Variants in VSTM4 observed in about 807,000 individuals in gnomAD.
VSTM4 encodes the protein V-set and transmembrane domain-containing protein 4.
A neutral mutation model predicts 36.4 loss-of-function variants in VSTM4; 20 were observed. The observed-to-expected ratio is 0.55, with a 90% CI of 0.39 to 0.80. The LOEUF (loss-of-function observed/expected upper bound fraction) is 0.80. Ranked by LOEUF, VSTM4 falls within the 30% of genes least tolerant of loss-of-function variation. The pLI is 0.00. For synonymous variants in VSTM4, 182 were observed against 173.9 expected, an observed-to-expected ratio of 1.05 and a Z score of -0.37; for missense variants, 392 against 404.5, an observed-to-expected ratio of 0.97 and a Z score of 0.26.
rs1242431212 is a variant in VSTM4 at position 49,102,720 on chromosome 10, A to G, written c.457+4874T>C. The stretch of plus-strand genomic sequence containing the variant: ...CATCCACCAAGTCACGCCTACTTCA[A>G]AGTCATCCACAGCAACAGTTGCTAA... On this transcript the variant is annotated intron_variant, in intron 2 of 7. Transcript: ENST00000332853. 1.3e-5 allele frequency: 13 copies of G among 985,348 alleles called. No individual in the cohort carries two copies. The South Asian group carries it at 3.3e-4, about 25-fold the overall frequency. The allele number at this position is 985,348 out of a possible 1,614,324, so 61.0% of individuals were successfully genotyped here.
intron 1 of VSTM4, among the ~76,000 whole-genome samples, chr10:49,109,622 T>C (rs1004371622): frequency 6.6e-6 from 1 of 152,030 alleles, no homozygotes; most frequent in African/African-American, 2.4e-5. Context: ...CATTCACAGG[T>C]CCCCAGGGAT....
intron 7 of VSTM4, among the ~76,000 whole-genome samples, chr10:49,024,511 T>C (rs895346033): frequency 1.3e-5 from 2 of 152,144 alleles, no homozygotes; most frequent in African/African-American, 4.8e-5. Flanking sequence ...TGACAGCAGA[T>C]CATGGGTGCA....
rs2131920368 is a variant in VSTM4, at chr10:49,015,255, G to A, written c.*4395C>T. ...TCCTGCCTCAGCCTCCCGAGTAGCT[G>A]GGACTACAGGCACCCACCACCATGC... is the stretch of plus-strand genomic sequence containing the variant. On this transcript the variant is annotated 3_prime_UTR_variant, in exon 8 of 8. Coordinates refer to ENST00000332853, the MANE Select transcript of VSTM4 (RefSeq NM_001031746.5). 6.6e-6 allele frequency: 1 copy of A among 152,056 alleles called. No homozygotes were observed. The highest frequency in any genetic ancestry group is 2.4e-5 in the African/African-American group (1 of 41,366). The allele number at this position is 152,056 out of a possible 1,614,324, so 9.4% of individuals were successfully genotyped here.
Position 49,016,921 on chromosome 10 carries a change from C to A in VSTM4, c.*2729G>T, listed in dbSNP as rs1280416557. The A allele has an allele frequency of 6.6e-6, 1 of 152,404 alleles. No individual in the cohort carries two copies. The highest frequency in any genetic ancestry group is 2.4e-5 in the African/African-American group (1 of 41,470). The allele number at this position is 152,404 out of a possible 1,614,324, so 9.4% of individuals were successfully genotyped here. ...ACCATGCCAAGGCCAAAACTCACCA[C>A]CAAATCTGAGAGCATCTGCTGTCTG... On this transcript the variant is annotated 3_prime_UTR_variant, in exon 8 of 8. Transcript: ENST00000332853.
chr10:49,049,525 T>A (rs972829450), intron 5 of VSTM4, among the ~76,000 whole-genome samples: 5 of 152,112 alleles, frequency 3.3e-5, no homozygotes, highest in African/African-American at 9.7e-5. Context: ...CCTTTTATAA[T>A]CTCTTGTCCG....
At chr10:49,045,485 G>A (rs1292246208) in intron 7 of VSTM4, among the ~76,000 whole-genome samples, 2 of 152,162 alleles carry the variant, frequency 1.3e-5, no homozygotes, top group East Asian at 3.8e-4. Flanking sequence ...ATGAATGCAA[G>A]ATTAGTGGGC....
chr10:49,108,483 G>T (rs1000684822), intron 1 of VSTM4, among the ~76,000 whole-genome samples: 1 of 152,148 alleles, frequency 6.6e-6, no homozygotes, highest in Non-Finnish European at 1.5e-5. Flanking sequence ...GCAGGGCAGG[G>T]TAGGGCCCTC....
At chr10:49,044,153 C>T (rs1843563281) in intron 7 of VSTM4, among the ~76,000 whole-genome samples, 1 of 152,080 alleles carries the variant, frequency 6.6e-6, no homozygotes, top group South Asian at 2.1e-4. Flanking sequence ...CATGGTGAAA[C>T]CCCAACTCTA....
chr10:49,030,152 G>C (rs1320690177), intron 7 of VSTM4, among the ~76,000 whole-genome samples: 1 of 152,182 alleles, frequency 6.6e-6, no homozygotes, highest in Non-Finnish European at 1.5e-5. Flanking sequence ...TACTGAAGAC[G>C]TCCAGGGGCA....
At chr10:49,071,001 T>G (rs541712762) in intron 4 of VSTM4, among the ~76,000 whole-genome samples, 166 of 152,324 alleles carry the variant, frequency 1.1e-3, no homozygotes, top group Non-Finnish European at 1.6e-3. Flanking sequence ...TCCCTTTTCT[T>G]GCATCTCTCT....
At chr10:49,051,672 A>C (rs1843700703) in intron 5 of VSTM4, among the ~76,000 whole-genome samples, 1 of 152,206 alleles carries the variant, frequency 6.6e-6, no homozygotes, top group Non-Finnish European at 1.5e-5. Flanking sequence ...CTGGGATTAC[A>C]GGCATGAGCC....
chr10:49,091,366 G>A (rs1265983980), intron 2 of VSTM4, among the ~76,000 whole-genome samples: 5 of 152,318 alleles, frequency 3.3e-5, no homozygotes, highest in African/African-American at 7.2e-5. Context: ...AATCCATCAC[G>A]TCACTGCCCC....
intron 7 of VSTM4, among the ~76,000 whole-genome samples, chr10:49,038,024 T>C (rs1048767368): frequency 3.3e-5 from 5 of 151,930 alleles, no homozygotes; most frequent in African/African-American, 1.2e-4. Context: ...TGTAAAATGG[T>C]GCAGCTGATT....
chr10:49,102,309 G>T, intron 2 of VSTM4: 1 of 683,660 alleles, frequency 1.5e-6, no homozygotes, highest in Non-Finnish European at 1.8e-6. Context: ...GCTAATTTTT[G>T]TATTTTTGTA....
At position 49,064,512 on chromosome 10, in the gene VSTM4, T is replaced by C. The variant is rs151039763; in HGVS notation, c.668+191A>G. 8.1e-5 allele frequency: 52 copies of C among 645,182 alleles called. No individual in the cohort carries two copies. The East Asian group carries it at 1.0e-3, about 13-fold the overall frequency. 40.0% of individuals were successfully genotyped at this position (645,182 alleles called of 1,614,324 possible). A position where few individuals can be genotyped will look rare whatever the true frequency, so the allele number is the denominator to read the frequency against. ...AAAAGCTGCATGCTCTCTGGATCCC[T>C]GGGGGTGAAAACCAGACTGTAGACC... On this transcript the variant is annotated intron_variant, in intron 5 of 7. Transcript: ENST00000332853.
intron 4 of VSTM4, among the ~76,000 whole-genome samples, chr10:49,067,634 G>C (rs570556224): frequency 6.6e-6 from 1 of 152,376 alleles, no homozygotes; most frequent in East Asian, 1.9e-4. Flanking sequence ...CCAGGAGAGA[G>C]GCTTCAGGGG....
chr10:49,112,111 C>A (rs1844905236), intron 1 of VSTM4, among the ~76,000 whole-genome samples: 1 of 152,140 alleles, frequency 6.6e-6, no homozygotes. Flanking sequence ...GCCACCCTTG[C>A]CAACACATGA....
At position 49,107,869 on chromosome 10, in the gene VSTM4, C is replaced by T. The variant is rs144984771; in HGVS notation, c.182G>A (p.Arg61His). 7.4e-6 allele frequency: 12 copies of T among 1,614,104 alleles called. No individual in the cohort carries two copies. The highest frequency in any genetic ancestry group is 2.7e-5 in the African/African-American group (2 of 74,940). Residue 61 changes from arginine (R) to histidine (H), a missense_variant, in exon 2 of 8, where the codon CGC (arginine) becomes CAC (histidine). By Grantham distance (29) the Arg-to-His change is conservative (BLOSUM62 0). Coordinates refer to ENST00000332853, the MANE Select transcript of VSTM4 (RefSeq NM_001031746.5). The stretch of plus-strand genomic sequence containing the variant: ...GTCGAAGGAGTGTGCAAAGAACCAG[C>T]GCACGGCCAGCAAGCTGTCCTTCCG... ...KRRKDSLLAV[R>H]WFFAHSFDSQ...
intron 2 of VSTM4, among the ~76,000 whole-genome samples, chr10:49,094,161 A>G (rs113023332): frequency 8.0e-6 from 1 of 124,760 alleles, no homozygotes; most frequent in Non-Finnish European, 1.7e-5. Context: ...GGCCAGGGTC[A>G]GGGGGTCCCA....
Sources: allele counts gnomAD v4.1 joint callset (sites outside exome capture counted in the v4.1 genomes callset), GRCh38; gene constraint gnomAD v4.1.1; transcripts MANE v1.5; gene names NCBI Gene and HGNC (gene_info 2026-07-23, HGNC 2026-07-21).